Variants in RDH8 observed in about 807,000 individuals in gnomAD.
RDH8 encodes retinol dehydrogenase 8.
In RDH8, 14 loss-of-function variants were observed where a neutral mutation model predicts 22.3. The ratio of observed to expected loss-of-function variants is 0.63; its 90% confidence interval spans 0.42 to 0.98. The LOEUF (loss-of-function observed/expected upper bound fraction) is 0.98. Among genes scored for constraint, RDH8 ranks in the 50% least tolerant of loss-of-function variants. The pLI is 0.00. For synonymous variants in RDH8, 175 were observed against 171.7 expected (o/e 1.02, Z -0.15); for missense variants, 389 against 409.8 (o/e 0.95, Z 0.44).
At chr19:10,013,633 C>T (rs779073868) in intron 1 of RDH8, 33 bp downstream of exon 1, 76 of 1,611,548 alleles carry the variant, frequency 4.7e-5, no homozygotes, top group South Asian at 2.1e-4. Flanking sequence ...AGGAGGCAGC[C>T]GGGTGGAAAC....
intron 2 of RDH8, among the ~76,000 whole-genome samples, chr19:10,017,745 C>T (rs1220300345): frequency 6.6e-6 from 1 of 152,188 alleles, no homozygotes; most frequent in Non-Finnish European, 1.5e-5. Context: ...CTCCCAGGTT[C>T]AAGCAATTCT....
chr19:10,017,371 T>C (rs942978688), intron 2 of RDH8, among the ~76,000 whole-genome samples, 156 bp downstream of exon 2: 3 of 152,150 alleles, frequency 2.0e-5, no homozygotes, highest in African/African-American at 7.2e-5. Flanking sequence ...GGTAGACCAG[T>C]TGGTCCTACC....
Position 10,021,177 on chromosome 19 carries a change from A to T in RDH8, c.537-78A>T, listed in dbSNP as rs535378489. ...CAACAGAGTGAGACCCTGTATCTTA[A>T]AAAAAAAAAAAAATGGACAAAATAG... is the stretch of plus-strand genomic sequence containing the variant. On this transcript the variant is annotated intron_variant, in intron 4 of 5. Transcript: ENST00000591589. 8.1e-3 allele frequency: 7,680 copies of T among 953,414 alleles called. 12 individuals carry two copies. The highest frequency in any genetic ancestry group is 0.022 in the South Asian group (1,041 of 47,002). 59.1% of individuals were successfully genotyped at this position (953,414 alleles called of 1,614,324 possible). A position where few individuals can be genotyped will look rare whatever the true frequency, so the allele number is the denominator to read the frequency against.
Position 10,021,730 on chromosome 19 carries a change from C to G in RDH8, c.917C>G (p.Thr306Arg), listed in dbSNP as rs116330337. Residue 306 changes from threonine (T) to arginine (R), a missense_variant, in exon 6 of 6, where the codon ACG becomes AGG. Transcript: ENST00000591589. ...TGTCTGTCCTGCGGCTGCCTCCCAA[C>G]GCGGGTGCGGCCAAGATGAGCAGAA... ...LQCLSCGCLP[T>R]RVRPR 2 of 1,613,656 alleles carry G rather than the reference C, an allele frequency of 1.2e-6. No individual in the cohort carries two copies. Among genetic ancestry groups the G allele is most frequent in the Non-Finnish European group, 1.7e-6 (2 of 1,180,048 alleles).
chr19:10,013,903 A>G (rs1239006182), intron 1 of RDH8, among the ~76,000 whole-genome samples: 2 of 152,096 alleles, frequency 1.3e-5, no homozygotes, highest in Admixed American at 1.3e-4. Flanking sequence ...TCTGGTGGGA[A>G]TAAGTGCTGA....
chr19:10,021,687 C>G lies in RDH8; in HGVS notation c.874C>G (p.Leu292Val). Residue 292 changes from leucine (L) to valine (V), a missense_variant, in exon 6 of 6, where the codon CTC (leucine) becomes GTC (valine). Transcript: ENST00000591589. ...HRLLFRCPRL[L>V]NLGLQCLSCG... Reference sequence around the variant, plus strand: ...CCTCCTCTTCCGCTGTCCACGCCTCCTCAACCTTGGCCTTCAATGTCTGTC... The same window carrying G: ...CCTCCTCTTCCGCTGTCCACGCCTCGTCAACCTTGGCCTTCAATGTCTGTC... 1 of 1,614,176 alleles carries G rather than the reference C, an allele frequency of 6.2e-7. No individual in the cohort carries two copies. The highest frequency in any genetic ancestry group is 1.1e-5 in the South Asian group (1 of 91,090).
rs778046636 is a variant in RDH8 at position 10,021,244 on chromosome 19, C to T, written c.537-11C>T. 1.9e-6 allele frequency: 3 copies of T among 1,613,846 alleles called. No individual in the cohort carries two copies. The highest frequency in any genetic ancestry group is 4.5e-5 in the East Asian group (2 of 44,872). ...GGCATCAGACTTACACTACCCATGCCTGGTCGCCAGCATCTCCCTGGTGGA... is the reference window on the plus strand; with the variant it reads ...GGCATCAGACTTACACTACCCATGCTTGGTCGCCAGCATCTCCCTGGTGGA... On this transcript the variant is annotated splice_polypyrimidine_tract_variant and intron_variant, in intron 4 of 5. Transcript: ENST00000591589.
At chr19:10,014,554 AT>A (rs2087594872) in intron 1 of RDH8, among the ~76,000 whole-genome samples, 2 of 152,112 alleles carry the variant, frequency 1.3e-5, no homozygotes, top group African/African-American at 2.4e-5. Context: ...TTATTTATTT[AT>A]TTTGAGTCAG....
At chr19:10,014,697 C>A (rs2087596317) in intron 1 of RDH8, among the ~76,000 whole-genome samples, 1 of 152,062 alleles carries the variant, frequency 6.6e-6, no homozygotes, top group Non-Finnish European at 1.5e-5. Context: ...ACCACCACAC[C>A]CGGCTAAGTT....
At chr19:10,016,353 C>A (rs1425354696) in intron 1 of RDH8, among the ~76,000 whole-genome samples, 1 of 145,650 alleles carries the variant, frequency 6.9e-6, no homozygotes, top group East Asian at 2.1e-4. Flanking sequence ...GACGGGGTTT[C>A]ACCATGTTAG....
chr19:10,019,322 T>C (rs760100247), intron 3 of RDH8, among the ~76,000 whole-genome samples: 29 of 151,278 alleles, frequency 1.9e-4, no homozygotes, highest in Admixed American at 5.9e-4. Context: ...TAAAATAAAA[T>C]AAATTAGCCT....
At chr19:10,016,380 C>T (rs2087616783) in intron 1 of RDH8, among the ~76,000 whole-genome samples, 1 of 149,964 alleles carries the variant, frequency 6.7e-6, no homozygotes, top group Non-Finnish European at 1.5e-5. Flanking sequence ...TGGTCTCGAT[C>T]TCCTGACCTC....
At chr19:10,021,157 G>C in intron 4 of RDH8, 98 bp from the exon 5 acceptor site, 5 of 1,174,806 alleles carry the variant, frequency 4.3e-6, no homozygotes, top group Non-Finnish European at 6.0e-6. Context: ...CTGGGCAACA[G>C]AGTGAGACCC....
chr19:10,020,546 C>T (rs1485722388), intron 3 of RDH8, among the ~76,000 whole-genome samples, 163 bp from the exon 4 acceptor site: 1 of 151,992 alleles, frequency 6.6e-6, no homozygotes, highest in Non-Finnish European at 1.5e-5. Context: ...CCCATATGAC[C>T]CCATCACACA....
chr19:10,015,584 C>T (rs994869395), intron 1 of RDH8, among the ~76,000 whole-genome samples: 5 of 151,324 alleles, frequency 3.3e-5, no homozygotes, highest in Non-Finnish European at 5.9e-5. Flanking sequence ...GCTGAGATTT[C>T]ACCACTGTAT....
At chr19:10,014,349 C>T (rs770065229) in intron 1 of RDH8, among the ~76,000 whole-genome samples, 1 of 152,154 alleles carries the variant, frequency 6.6e-6, no homozygotes, top group Non-Finnish European at 1.5e-5. Context: ...AGCCTGAATG[C>T]CAGTGTGCAG....
rs2087669330 is a variant in RDH8 at position 10,022,239 on chromosome 19, T to A, written c.*490T>A. ...TGTATTTGAGCACACACCAGCAATG[T>A]ATGTATATTTTTTCCATTAAATATA... On this transcript the variant is annotated 3_prime_UTR_variant, in exon 6 of 6. Coordinates refer to ENST00000591589, the MANE Select transcript of RDH8 (RefSeq NM_015725.4). 1 of 154,448 alleles carries A rather than the reference T, an allele frequency of 6.5e-6. No individual in the cohort carries two copies. The highest frequency in any genetic ancestry group is 2.4e-5 in the African/African-American group (1 of 41,476). The allele number at this position is 154,448 out of a possible 1,614,324, so 9.6% of individuals were successfully genotyped here.
rs139050285 is a variant in RDH8 at position 10,016,124 on chromosome 19, C to CTTATTTATTTAT, written c.104-902_104-891dup. ...AATTCCATGAAGGCAGAAACTTTAT[C>CTTATTTATTTAT]TTATTTATTTATTTATTTATTTATT... On this transcript the variant is annotated intron_variant, in intron 1 of 5. Coordinates refer to ENST00000591589, the MANE Select transcript of RDH8 (RefSeq NM_015725.4). 2.7e-4 allele frequency among the ~76,000 whole-genome samples: 39 copies of CTTATTTATTTAT among 142,436 alleles called. 1 individual carries two copies. Among genetic ancestry groups the CTTATTTATTTAT allele is most frequent in the South Asian group, 1.1e-3 (5 of 4,360 alleles). 93.4% of individuals were successfully genotyped at this position (142,436 alleles called of 152,430 possible).
intron 4 of RDH8, 89 bp from the exon 5 acceptor site, chr19:10,021,166 C>G (rs2087655250): frequency 7.9e-7 from 1 of 1,261,710 alleles, no homozygotes; most frequent in South Asian, 1.4e-5. Flanking sequence ...AGAGTGAGAC[C>G]CTGTATCTTA....
Sources: allele counts gnomAD v4.1 joint callset (sites outside exome capture counted in the v4.1 genomes callset), GRCh38; gene constraint gnomAD v4.1.1; transcripts MANE v1.5; gene names NCBI Gene and HGNC (gene_info 2026-07-23, HGNC 2026-07-21).